DCAF6: variants seen among roughly 807,000 people sequenced by gnomAD.
DCAF6 encodes the protein DDB1- and CUL4-associated factor 6.
In DCAF6, 54 loss-of-function variants were observed where a neutral mutation model predicts 125.1. The ratio of observed to expected loss-of-function variants is 0.43; its 90% CI spans 0.35 to 0.54. DCAF6 has a LOEUF of 0.54. Among genes scored for constraint, DCAF6 ranks in the 20% least tolerant of loss-of-function variants. DCAF6 has a pLI of 0.01. For missense variants in DCAF6, 934 were observed against 1,161.7 expected, an observed-to-expected ratio of 0.80 and a Z score of 2.85; for synonymous variants, 371 against 390.4, an observed-to-expected ratio of 0.95 and a Z score of 0.58.
At chr1:167,884,450 A>T in the DCAF6 span, among the ~76,000 whole-genome samples, 5 of 152,138 alleles carry the variant, frequency 3.3e-5, no homozygotes, top group African/African-American at 1.2e-4. Flanking sequence ...AGTCCCCTCC[A>T]CCAACATTGG....
the DCAF6 span, among the ~76,000 whole-genome samples, chr1:167,883,097 G>A: frequency 6.6e-6 from 1 of 152,254 alleles, no homozygotes; most frequent in Non-Finnish European, 1.5e-5. Context: ...GAGCGCAGTG[G>A]TGCGATCTCG....
intron 21 of DCAF6, among the ~76,000 whole-genome samples, chr1:168,072,352 C>G (rs1369034278): frequency 2.1e-5 from 3 of 140,222 alleles, no homozygotes; most frequent in Non-Finnish European, 3.1e-5. Flanking sequence ...CCTGGTCACT[C>G]AATCTAAAGT....
At chr1:168,054,031 C>T (rs978665279) in intron 17 of DCAF6, among the ~76,000 whole-genome samples, 2 of 152,164 alleles carry the variant, frequency 1.3e-5, no homozygotes, top group Non-Finnish European at 2.9e-5. Flanking sequence ...GCAAGATACT[C>T]TCTAGCAACC....
chr1:168,052,196 T>C (rs1402229121), intron 17 of DCAF6, among the ~76,000 whole-genome samples: 2 of 152,240 alleles, frequency 1.3e-5, no homozygotes, highest in Non-Finnish European at 2.9e-5. Context: ...GTTATCACTT[T>C]CTGATTAATT....
chr1:167,986,771 AG>A (rs1680066063), intron 4 of DCAF6, among the ~76,000 whole-genome samples: 2 of 152,206 alleles, frequency 1.3e-5, no homozygotes, highest in Non-Finnish European at 2.9e-5. Flanking sequence ...ACTTCCTAAC[AG>A]GCTACGGACC....
At chr1:168,047,790 G>C (rs1689324693) in intron 16 of DCAF6, among the ~76,000 whole-genome samples, 1 of 151,942 alleles carries the variant, frequency 6.6e-6, no homozygotes, top group African/African-American at 2.4e-5. Context: ...ATTTTCCTTT[G>C]AGATTTGCAT....
intron 21 of DCAF6, among the ~76,000 whole-genome samples, chr1:168,069,374 C>T (rs965903280): frequency 3.9e-5 from 6 of 152,178 alleles, no homozygotes; most frequent in Non-Finnish European, 5.9e-5. Context: ...TCTTCTGTGA[C>T]TACTCCATCC....
At chr1:168,064,052 G>T (rs1311064925) in intron 18 of DCAF6, 23 of 122,662 alleles carry the variant, frequency 1.9e-4, no homozygotes, top group African/African-American at 2.8e-4. Context: ...TCTCACATTT[G>T]CTGTCTACCT....
chr1:168,055,580 A>G (rs1690591006), intron 17 of DCAF6, among the ~76,000 whole-genome samples: 1 of 87,172 alleles, frequency 1.1e-5, no homozygotes, highest in South Asian at 3.2e-4. Context: ...ACAATATTAT[A>G]TAAGGCTTAA....
intron 3 of DCAF6, 79 bp from the exon 4 acceptor site, chr1:167,974,751 A>T: frequency 9.2e-7 from 1 of 1,089,730 alleles, no homozygotes; most frequent in African/African-American, 1.6e-5. Context: ...AGAATGTATT[A>T]CTGGCTATGA....
intron 4 of DCAF6, among the ~76,000 whole-genome samples, chr1:167,985,527 A>G (rs894691130): frequency 3.9e-5 from 6 of 151,996 alleles, no homozygotes; most frequent in African/African-American, 1.5e-4. Flanking sequence ...TGTTTTGCTC[A>G]GTAAGACCCT....
At chr1:167,877,201 G>A in the DCAF6 span, among the ~76,000 whole-genome samples, 1 of 150,474 alleles carries the variant, frequency 6.6e-6, no homozygotes, top group East Asian at 1.9e-4. Context: ...CTGAGCCTCA[G>A]TTTTTGAATT....
At chr1:168,066,615 A>G (rs1692364207) in intron 20 of DCAF6, 150 bp downstream of exon 20, 1 of 556,998 alleles carries the variant, frequency 1.8e-6, no homozygotes, top group African/African-American at 1.9e-5. Context: ...AAATTAAGAT[A>G]AAAGGATGTC....
At chr1:168,068,311 TAC>T (rs777266047) in intron 20 of DCAF6, 45 bp from the exon 21 acceptor site, 1 of 1,386,928 alleles carries the variant, frequency 7.2e-7, no homozygotes, top group Admixed American at 1.7e-5. Flanking sequence ...AAGGAAAAAA[TAC>T]AGTTACTTTA....
Position 168,063,749 on chromosome 1 carries a change from C to T in DCAF6, c.2429C>T (p.Ser810Phe), listed in dbSNP as rs1370988894. The T allele has an allele frequency of 6.2e-7, 1 of 1,604,668 alleles. No individual in the cohort carries two copies. Among genetic ancestry groups the T allele is most frequent in the Non-Finnish European group, 8.5e-7 (1 of 1,176,802 alleles). ...VKMVYKGHRN[S>F]RTMIKEANFW... ...ATGGTTTATAAAGGCCATCGCAACT[C>T]CAGGACAATGGTACCAAATGTTCAT... The change falls in exon 18 of 22, where the codon TCC (serine) becomes TTC (phenylalanine). Residue 810 changes from serine (S) to phenylalanine (F), a missense_variant. Transcript: ENST00000367840.
chr1:167,973,926 T>G (rs1283809714), intron 3 of DCAF6, among the ~76,000 whole-genome samples: 1 of 152,134 alleles, frequency 6.6e-6, no homozygotes, highest in African/African-American at 2.4e-5. Flanking sequence ...AGTCAAAGAG[T>G]AAGCACATAC....
At chr1:167,982,106 G>A (rs544716799) in intron 4 of DCAF6, among the ~76,000 whole-genome samples, 44 of 152,256 alleles carry the variant, frequency 2.9e-4, no homozygotes, top group Admixed American at 1.0e-3. Flanking sequence ...GTTTTGATTT[G>A]CATTTCTCTG....
chr1:167,938,581 A>G (rs1237996738), intron 1 of DCAF6, among the ~76,000 whole-genome samples: 1 of 152,200 alleles, frequency 6.6e-6, no homozygotes, highest in Non-Finnish European at 1.5e-5. Flanking sequence ...CTGGTTTTTA[A>G]AACTATTTAC....
chr1:167,894,839 G>A, the DCAF6 span, among the ~76,000 whole-genome samples: 1 of 152,168 alleles, frequency 6.6e-6, no homozygotes, highest in Non-Finnish European at 1.5e-5. Flanking sequence ...GAAGTTTGTA[G>A]AGGATTCAAC....
Sources: allele counts gnomAD v4.1 joint callset (sites outside exome capture counted in the v4.1 genomes callset), GRCh38; gene constraint gnomAD v4.1.1; transcripts MANE v1.5; gene names NCBI Gene and HGNC (gene_info 2026-07-23, HGNC 2026-07-21).